EIPR1: variants seen among roughly 807,000 people sequenced by gnomAD.
The protein encoded by EIPR1 is EARP and GARP complex-interacting protein 1.
A neutral mutation model predicts 48.1 loss-of-function variants in EIPR1; 25 were observed. The ratio of observed to expected loss-of-function variants is 0.52; its 90% CI spans 0.38 to 0.73. The LOEUF (loss-of-function observed/expected upper bound fraction) is 0.73. Ranked by LOEUF, EIPR1 falls within the 30% of genes least tolerant of loss-of-function variation. EIPR1 has a pLI of 0.00. For missense variants in EIPR1, 415 were observed against 506.2 expected, an observed-to-expected ratio of 0.82 and a Z score of 1.73; for synonymous variants, 204 against 201.9, an observed-to-expected ratio of 1.01 and a Z score of -0.09.
At chr2:3,246,874 AGGGAGGG>A (rs1666825860) in intron 4 of EIPR1, among the ~76,000 whole-genome samples, 4 of 41,448 alleles carry the variant, frequency 9.7e-5, no homozygotes, top group African/African-American at 4.0e-4. Flanking sequence ...GGAAGGAGGG[AGGGAGGG>A]AGGGAGGGAG....
chr2:3,190,622 C>G (rs568899329), intron 8 of EIPR1, among the ~76,000 whole-genome samples: 3 of 152,112 alleles, frequency 2.0e-5, no homozygotes, highest in African/African-American at 4.8e-5. Context: ...AGCAGTCTTC[C>G]GACCAACGGG....
intron 5 of EIPR1, among the ~76,000 whole-genome samples, chr2:3,203,681 A>G (rs902447947): frequency 3.3e-5 from 5 of 152,368 alleles, no homozygotes; most frequent in Admixed American, 6.5e-5. Flanking sequence ...TTGGTGGCCT[A>G]TGGAGTCCCT....
At chr2:3,214,520 A>T (rs544927982) in intron 4 of EIPR1, 3 of 324,538 alleles carry the variant, frequency 9.2e-6, no homozygotes, top group African/African-American at 4.3e-5. Flanking sequence ...CAATGTACAC[A>T]GGGGCTATGT....
At chr2:3,309,473 C>T (rs542854578) in intron 3 of EIPR1, among the ~76,000 whole-genome samples, 4 of 152,226 alleles carry the variant, frequency 2.6e-5, no homozygotes, top group Middle Eastern at 3.4e-3. Context: ...AACAACATGG[C>T]GGAGTTAAGC....
chr2:3,194,957 G>T (rs967462203), intron 6 of EIPR1, among the ~76,000 whole-genome samples: 1 of 152,196 alleles, frequency 6.6e-6, no homozygotes, highest in Non-Finnish European at 1.5e-5. Flanking sequence ...TTCACAGTGC[G>T]TGCGTTCTCA....
intron 8 of EIPR1, among the ~76,000 whole-genome samples, chr2:3,190,234 C>T (rs188794850): frequency 0.012 from 1,886 of 152,364 alleles, 19 homozygotes; most frequent in Middle Eastern, 0.024. Context: ...GCCCGGCTCA[C>T]AGCGGCCACT....
Position 3,348,447 on chromosome 2 carries a change from G to A in EIPR1, c.126+6103C>T, listed in dbSNP as rs150224231. Among the ~76,000 whole-genome samples the A allele has an allele frequency of 6.4e-3, 976 of 152,274 alleles. 9 individuals carry two copies. Among genetic ancestry groups the A allele is most frequent in the Non-Finnish European group, 9.0e-3 (612 of 68,028 alleles). ...CAGAAGCACTTACAGGCCTCAGGTCGCGGTTCCTCATCCCTGCCCATGCTA... is the reference window on the plus strand; with the variant it reads ...CAGAAGCACTTACAGGCCTCAGGTCACGGTTCCTCATCCCTGCCCATGCTA... On this transcript the variant is annotated intron_variant, in intron 2 of 8. Coordinates refer to ENST00000382125, the MANE Select transcript of EIPR1 (RefSeq NM_003310.5).
intron 2 of EIPR1, among the ~76,000 whole-genome samples, chr2:3,341,099 A>G (rs1174300549): frequency 3.7e-5 from 5 of 134,320 alleles, no homozygotes; most frequent in African/African-American, 1.2e-4. Context: ...CTGTCTCAAA[A>G]AAAAAAAAAA....
chr2:3,368,940 G>C (rs1169543448), intron 1 of EIPR1, among the ~76,000 whole-genome samples: 1 of 152,064 alleles, frequency 6.6e-6, no homozygotes, highest in Non-Finnish European at 1.5e-5. Flanking sequence ...TATCTTTCAA[G>C]TGTCATTACC....
At chr2:3,358,122 C>A (rs959475839) in intron 1 of EIPR1, among the ~76,000 whole-genome samples, 6 of 152,172 alleles carry the variant, frequency 3.9e-5, no homozygotes, top group African/African-American at 1.4e-4. Context: ...ACCTGACACC[C>A]ACTTCCCACC....
At chr2:3,323,287 C>T (rs1034849966) in intron 3 of EIPR1, among the ~76,000 whole-genome samples, 2 of 152,162 alleles carry the variant, frequency 1.3e-5, no homozygotes, top group African/African-American at 2.4e-5. Context: ...CAGCCAGGAA[C>T]GAGGCTTCTG....
intron 5 of EIPR1, among the ~76,000 whole-genome samples, chr2:3,205,140 C>T (rs1572290343): frequency 6.6e-6 from 1 of 152,202 alleles, no homozygotes; most frequent in East Asian, 1.9e-4. Flanking sequence ...CCAGGTTGTG[C>T]ACCCTGGGCT....
intron 4 of EIPR1, among the ~76,000 whole-genome samples, chr2:3,218,396 T>C (rs1400678480): frequency 3.1e-4 from 44 of 140,288 alleles, no homozygotes; most frequent in African/African-American, 9.5e-4. Context: ...AACATGGCCC[T>C]GATACGCTCT....
chr2:3,292,859 A>G (rs559993215), intron 3 of EIPR1, among the ~76,000 whole-genome samples: 82 of 132,230 alleles, frequency 6.2e-4, no homozygotes, highest in Non-Finnish European at 9.9e-4. Context: ...AAATGTTTTG[A>G]AAAAAAAAAA....
chr2:3,347,497 C>CT (rs760129102), intron 2 of EIPR1, among the ~76,000 whole-genome samples: 4 of 152,332 alleles, frequency 2.6e-5, no homozygotes, highest in Middle Eastern at 3.4e-3. Flanking sequence ...CTTGCTCCTC[C>CT]TTGCCTTCCA....
intron 3 of EIPR1, among the ~76,000 whole-genome samples, chr2:3,291,158 G>C (rs114468362): frequency 6.6e-6 from 1 of 152,188 alleles, no homozygotes; most frequent in African/African-American, 2.4e-5. Context: ...GGGGTGGGGC[G>C]AGAACACCCA....
chr2:3,323,271 T>TC (rs1015101864), intron 3 of EIPR1, among the ~76,000 whole-genome samples: 3 of 151,918 alleles, frequency 2.0e-5, no homozygotes, highest in Non-Finnish European at 2.9e-5. Context: ...AAACCAGTGG[T>TC]CCCCCCAGCC....
chr2:3,334,172 C>T (rs921609187), intron 3 of EIPR1, among the ~76,000 whole-genome samples: 5 of 152,188 alleles, frequency 3.3e-5, no homozygotes, highest in South Asian at 4.1e-4. Flanking sequence ...AAGATGCCTC[C>T]CACCAGCCCA....
chr2:3,246,993 A>G (rs62119057), intron 4 of EIPR1, among the ~76,000 whole-genome samples: 67 of 312 alleles, frequency 0.21, 6 homozygotes, highest in Admixed American at 0.3. Flanking sequence ...AGGGAGGGAG[A>G]GAGCGAGGGA....
Sources: allele counts gnomAD v4.1 joint callset (sites outside exome capture counted in the v4.1 genomes callset), GRCh38; gene constraint gnomAD v4.1.1; transcripts MANE v1.5; gene names NCBI Gene and HGNC (gene_info 2026-07-23, HGNC 2026-07-21).